The following AGBL4 variants were observed in gnomAD, a reference collection of about 807,000 sequenced individuals.
The protein encoded by AGBL4 is AGBL carboxypeptidase 4.
A neutral mutation model predicts 66.4 loss-of-function variants in AGBL4; 58 were observed. The ratio of observed to expected loss-of-function variants is 0.87; its 90% CI spans 0.71 to 1.09. AGBL4 has a LOEUF of 1.09. AGBL4 is among the 50% of genes least tolerant of loss of function. The pLI is 0.00. For synonymous variants in AGBL4, 234 were observed against 222.9 expected (o/e 1.05, Z -0.44); for missense variants, 579 against 631.0 (o/e 0.92, Z 0.88).
chr1:48,890,291 A>G (rs1393287685), intron 5 of AGBL4, among the ~76,000 whole-genome samples: 1 of 152,134 alleles, frequency 6.6e-6, no homozygotes, highest in Non-Finnish European at 1.5e-5. Flanking sequence ...AACTTGTGTC[A>G]TCTCTCAGAA....
rs1043589896 is a variant in AGBL4, at chr1:49,458,186, T to A, written c.283-212322A>T. On this transcript the variant is annotated intron_variant, in intron 3 of 13. Transcript: ENST00000371839. ...TATTGATTGTACCCATCAATTAGCA[T>A]GGAATGTGTTTCCACTTGTTTGTGT... Among the ~76,000 whole-genome samples, 27 of 151,892 alleles carry A rather than the reference T, an allele frequency of 1.8e-4. 1 individual carries two copies. The highest frequency in any genetic ancestry group is 2.2e-4 in the Non-Finnish European group (15 of 67,902).
At chr1:49,553,158 G>A (rs1245309576) in intron 3 of AGBL4, among the ~76,000 whole-genome samples, 2 of 152,186 alleles carry the variant, frequency 1.3e-5, no homozygotes, top group Non-Finnish European at 1.5e-5. Context: ...AGAATATTCA[G>A]TCAGGCAGGC....
intron 6 of AGBL4, among the ~76,000 whole-genome samples, chr1:48,725,477 A>G (rs1647221063): frequency 6.6e-6 from 1 of 152,240 alleles, no homozygotes; most frequent in Non-Finnish European, 1.5e-5. Context: ...CAGTACTATC[A>G]TTCCCAGTCC....
intron 5 of AGBL4, among the ~76,000 whole-genome samples, chr1:49,002,735 A>G (rs937003682): frequency 6.6e-6 from 1 of 152,238 alleles, no homozygotes; most frequent in African/African-American, 2.4e-5. Context: ...ATTGACCTTT[A>G]TTCTACATTA....
chr1:49,836,736 GT>G (rs1645859909), intron 2 of AGBL4, among the ~76,000 whole-genome samples: 1 of 152,132 alleles, frequency 6.6e-6, no homozygotes, highest in Admixed American at 6.5e-5. Context: ...GGTCTTTGAC[GT>G]TGGTGACCTT....
At chr1:48,746,694 C>T (rs968366924) in intron 6 of AGBL4, among the ~76,000 whole-genome samples, 9 of 152,092 alleles carry the variant, frequency 5.9e-5, no homozygotes, top group African/African-American at 2.2e-4. Flanking sequence ...GGTGTGAATC[C>T]CAGCTCATGA....
intron 2 of AGBL4, among the ~76,000 whole-genome samples, chr1:49,706,399 C>CT (rs1378001963): frequency 6.6e-6 from 1 of 152,074 alleles, no homozygotes; most frequent in African/African-American, 2.4e-5. Context: ...GTGATATCCC[C>CT]TTTATCATTT....
rs180788210 is a variant in AGBL4 at position 49,474,760 on chromosome 1, T to C, written c.282+222553A>G. 5.3e-3 allele frequency among the ~76,000 whole-genome samples: 810 copies of C among 152,208 alleles called. 6 individuals are homozygous for C. Among genetic ancestry groups the C allele is most frequent in the Middle Eastern group, 0.02 (6 of 294 alleles). ...GAAGAGTTTGGTATTTATTGTAGTC[T>C]TCTCAGTCTGGCCTTGTTTGTACCT... On this transcript the variant is annotated intron_variant, in intron 3 of 13. Transcript: ENST00000371839.
intron 9 of AGBL4, among the ~76,000 whole-genome samples, chr1:48,612,032 A>C (rs1200670226): frequency 6.6e-6 from 1 of 152,238 alleles, no homozygotes; most frequent in Non-Finnish European, 1.5e-5. Flanking sequence ...AGGAAGTGGG[A>C]GCTGCATATA....
chr1:49,430,359 C>T (rs1645759612), intron 3 of AGBL4, among the ~76,000 whole-genome samples: 1 of 152,154 alleles, frequency 6.6e-6, no homozygotes. Flanking sequence ...ATACCCGGTA[C>T]TTATTTCTGC....
intron 3 of AGBL4, among the ~76,000 whole-genome samples, chr1:49,471,137 A>C (rs578086071): frequency 6.6e-6 from 1 of 152,150 alleles, no homozygotes; most frequent in Non-Finnish European, 1.5e-5. Flanking sequence ...TACACATAAC[A>C]ATCTCTCCTA....
chr1:49,834,642 C>G (rs1343905814), intron 2 of AGBL4, among the ~76,000 whole-genome samples: 1 of 152,052 alleles, frequency 6.6e-6, no homozygotes, highest in Non-Finnish European at 1.5e-5. Context: ...TTTTGATTCT[C>G]TAGTTCTTTT....
chr1:49,211,609 C>T (rs1451115607), intron 4 of AGBL4, among the ~76,000 whole-genome samples: 2 of 151,954 alleles, frequency 1.3e-5, no homozygotes, highest in Non-Finnish European at 2.9e-5. Flanking sequence ...AAACATTAAA[C>T]CTTCATTCTT....
At chr1:49,927,210 G>A (rs1427236815) in intron 1 of AGBL4, among the ~76,000 whole-genome samples, 1 of 152,108 alleles carries the variant, frequency 6.6e-6, no homozygotes, top group African/African-American at 2.4e-5. Flanking sequence ...ACACACCCAG[G>A]ATCAATACTT....
At chr1:49,711,666 T>A (rs1647677620) in intron 2 of AGBL4, among the ~76,000 whole-genome samples, 1 of 152,042 alleles carries the variant, frequency 6.6e-6, no homozygotes. Context: ...AGTGTATGCA[T>A]ATGTCAAAAT....
intron 6 of AGBL4, among the ~76,000 whole-genome samples, chr1:48,678,114 G>A (rs1184416134): frequency 6.6e-6 from 1 of 152,058 alleles, no homozygotes; most frequent in African/African-American, 2.4e-5. Context: ...CTGTCTGTCA[G>A]GGACAGGGCA....
chr1:49,602,821 CAATAAATAAATAAATAAATA>C (rs146769913), intron 3 of AGBL4, among the ~76,000 whole-genome samples: 15 of 144,128 alleles, frequency 1.0e-4, no homozygotes, highest in South Asian at 2.2e-4. Flanking sequence ...ACTTAAAGTA[CAATAAATAAATAAATAAATA>C]AATAAATAAA....
At chr1:48,981,823 G>A (rs1422002797) in intron 5 of AGBL4, among the ~76,000 whole-genome samples, 4 of 152,304 alleles carry the variant, frequency 2.6e-5, no homozygotes, top group Admixed American at 6.5e-5. Context: ...TTGAACCCAG[G>A]AGGCAGAGGT....
chr1:48,526,872 T>A, the AGBL4 span, among the ~76,000 whole-genome samples: 1 of 152,148 alleles, frequency 6.6e-6, no homozygotes, highest in Admixed American at 6.6e-5. Flanking sequence ...AGGAAACTGT[T>A]GGAGGATTAA....
Sources: gnomAD v4.1 joint callset for allele counts (sites outside exome capture counted in the v4.1 genomes callset) on GRCh38, gnomAD v4.1.1 for gene constraint, MANE v1.5 for transcripts, NCBI Gene and HGNC (gene_info 2026-07-23, HGNC 2026-07-21) for gene names.